The following KIF2A variants were observed in gnomAD, a reference collection of about 807,000 sequenced individuals.
The protein encoded by KIF2A is kinesin-like protein KIF2A.
KIF2A carries 22 observed loss-of-function variants against 100.2 expected under a neutral mutation model. That is an observed-to-expected ratio of 0.22 (90% CI 0.16 to 0.31). The LOEUF is 0.31. Ranked by LOEUF, KIF2A falls within the 10% of genes least tolerant of loss-of-function variation. The probability of loss-of-function intolerance (pLI) is 1.00; values close to 1 mark genes in which losing one functional copy is unlikely to be tolerated. For synonymous variants in KIF2A, 268 were observed against 285.9 expected, an observed-to-expected ratio of 0.94 and a Z score of 0.63; for missense variants, 495 against 898.7, an observed-to-expected ratio of 0.55 and a Z score of 5.74.
intron 19 of KIF2A, among the ~76,000 whole-genome samples, chr5:62,378,921 TAG>T (rs1285502045): frequency 6.6e-6 from 1 of 151,980 alleles, no homozygotes; most frequent in Non-Finnish European, 1.5e-5. Flanking sequence ...ACAAAAACTC[TAG>T]AGTTTTAGTC....
chr5:62,372,509 C>T lies in KIF2A; in HGVS notation c.1718C>T (p.Ser573Phe), dbSNP rs774991512. The T allele has an allele frequency of 6.2e-7, 1 of 1,612,526 alleles. No individual in the cohort carries two copies. Among genetic ancestry groups the T allele is most frequent in the Non-Finnish European group, 8.5e-7 (1 of 1,178,782 alleles). ...SQGSGSRPDL[S>F]PSYEYDDFSP... ...GGTAGTGGCAGTCGCCCTGATCTCT[C>T]TCCTTCTTATGAATATGACGACTTT... The change falls in exon 17 of 21, where the codon TCT becomes TTT. Residue 573 changes from serine to phenylalanine, a missense_variant. Ser to Phe is a radical substitution (Grantham distance 155). This residue lies in a region of KIF2A where 100 missense variants were observed against 138.2 expected (regional missense o/e 0.72). Coordinates refer to ENST00000407818, the MANE Select transcript of KIF2A (RefSeq NM_001098511.3).
At chr5:62,378,414 C>T (rs758613388) in intron 19 of KIF2A, among the ~76,000 whole-genome samples, 5 of 152,040 alleles carry the variant, frequency 3.3e-5, no homozygotes, top group Non-Finnish European at 1.5e-5. Flanking sequence ...GACTGGCAGC[C>T]GCCCCCACCC....
intron 5 of KIF2A, 113 bp downstream of exon 5, chr5:62,352,823 G>T: frequency 2.6e-6 from 2 of 761,596 alleles, no homozygotes; most frequent in South Asian, 7.5e-5. Flanking sequence ...CTTGATTGCA[G>T]ATTTCATTTT....
intron 3 of KIF2A, 63 bp downstream of exon 3, chr5:62,348,230 T>A: frequency 6.4e-7 from 1 of 1,565,500 alleles, no homozygotes. Context: ...GATGTGTGTG[T>A]GTTCTAGTTT....
Position 62,365,205 on chromosome 5 carries a change from A to G in KIF2A, c.1468-38A>G, listed in dbSNP as rs763429991. On this transcript the variant is annotated intron_variant, in intron 14 of 20. Coordinates refer to ENST00000407818, the MANE Select transcript of KIF2A (RefSeq NM_001098511.3). ...GTTAATTAAGATTATCCTTTATAAGAAAGACTAATCTGTGAGACTTGTTTT... is the reference window on the plus strand; with the variant it reads ...GTTAATTAAGATTATCCTTTATAAGGAAGACTAATCTGTGAGACTTGTTTT... 4 of 1,040,120 alleles carry G rather than the reference A, an allele frequency of 3.8e-6. No homozygotes were observed. The Admixed American group carries it at 8.9e-5, about 23-fold the overall frequency. The allele number at this position is 1,040,120 out of a possible 1,614,324, so 64.4% of individuals were successfully genotyped here. A position where few individuals can be genotyped will look rare whatever the true frequency, so the allele number is the denominator to read the frequency against.
intron 1 of KIF2A, chr5:62,308,423 A>C: frequency 8.5e-7 from 1 of 1,181,780 alleles, no homozygotes; most frequent in Non-Finnish European, 1.2e-6. Flanking sequence ...GGAAATCACC[A>C]CCTTGTGAAG....
In KIF2A at chr5:62,390,723, C is replaced by T. The variant is rs1314958416; in HGVS notation, c.*5154C>T. Among the ~76,000 whole-genome samples the T allele has an allele frequency of 6.6e-6, 1 of 152,182 alleles. No homozygotes were observed. Among genetic ancestry groups the T allele is most frequent in the Admixed American group, 6.5e-5 (1 of 15,278 alleles). On this transcript the variant is annotated 3_prime_UTR_variant, in exon 21 of 21. Coordinates refer to ENST00000407818, the MANE Select transcript of KIF2A (RefSeq NM_001098511.3). The stretch of plus-strand genomic sequence containing the variant: ...TCTGCTGCAGCTAACTAGCCTCCAT[C>T]TTCTACACCAAATACTATTCCATGC...
chr5:62,343,102 T>C (rs368183709), intron 1 of KIF2A, among the ~76,000 whole-genome samples: 1 of 152,312 alleles, frequency 6.6e-6, no homozygotes, highest in East Asian at 1.9e-4. Context: ...CTTTTATCTT[T>C]AGCAGTAAAC....
At chr5:62,385,366 GA>G (rs1345663853) in intron 20 of KIF2A, 117 bp from the exon 21 acceptor site, 1 of 662,294 alleles carries the variant, frequency 1.5e-6, no homozygotes. Context: ...AGAACAAAAG[GA>G]AAAATACTGA....
chr5:62,352,732 G>T, intron 5 of KIF2A, 22 bp downstream of exon 5: 1 of 1,603,470 alleles, frequency 6.2e-7, no homozygotes, highest in Non-Finnish European at 8.5e-7. Context: ...ATGTATCAAG[G>T]ATTTAGTCAT....
intron 1 of KIF2A, among the ~76,000 whole-genome samples, chr5:62,320,346 ATATATC>A (rs1483858998): frequency 6.6e-6 from 1 of 152,200 alleles, no homozygotes; most frequent in African/African-American, 2.4e-5. Context: ...ACATACATGA[ATATATC>A]TGTAGGGGAA....
In KIF2A at chr5:62,364,442, G is replaced by A. The variant is rs549270962; in HGVS notation, c.1467+543G>A. Among the ~76,000 whole-genome samples the A allele has an allele frequency of 3.9e-3, 588 of 152,228 alleles. 12 individuals carry two copies. The highest frequency in any genetic ancestry group is 2.3e-3 in the East Asian group (12 of 5,160). On this transcript the variant is annotated intron_variant, in intron 14 of 20. Coordinates refer to ENST00000407818, the MANE Select transcript of KIF2A (RefSeq NM_001098511.3). ...ATTACAGGCGTGAGCCACCGCGCCC[G>A]GCCCAGAGGGTCTTAATTAGTCATA...
In KIF2A at chr5:62,345,754, C is replaced by G. The variant is rs555582670; in HGVS notation, c.65-1376C>G. ...CATTATAATAACATTGTTTTCTGTACTATATATCTGTTTTTAGACATTTAA... is the reference window on the plus strand; with the variant it reads ...CATTATAATAACATTGTTTTCTGTAGTATATATCTGTTTTTAGACATTTAA... On this transcript the variant is annotated intron_variant, in intron 1 of 20. Coordinates refer to ENST00000407818, the MANE Select transcript of KIF2A (RefSeq NM_001098511.3). 6.6e-5 allele frequency among the ~76,000 whole-genome samples: 10 copies of G among 152,140 alleles called. No individual in the cohort carries two copies. The South Asian group carries it at 1.7e-3, about 25-fold the overall frequency.
chr5:62,368,145 C>T (rs898706909), intron 16 of KIF2A, among the ~76,000 whole-genome samples: 3 of 152,062 alleles, frequency 2.0e-5, no homozygotes, highest in Non-Finnish European at 4.4e-5. Context: ...GCATTATTGG[C>T]CCCCCAAAAG....
chr5:62,316,364 G>T (rs1266760815), intron 1 of KIF2A, among the ~76,000 whole-genome samples: 1 of 152,132 alleles, frequency 6.6e-6, no homozygotes, highest in Non-Finnish European at 1.5e-5. Context: ...AAATGCAGCT[G>T]CTCTTTTTTA....
intron 1 of KIF2A, among the ~76,000 whole-genome samples, chr5:62,346,586 T>G (rs917640789): frequency 4.6e-5 from 7 of 151,986 alleles, no homozygotes; most frequent in Non-Finnish European, 8.8e-5. Flanking sequence ...CTAAAAATAC[T>G]AAAATTAGCT....
chr5:62,347,695 G>T (rs1180957720), intron 2 of KIF2A, among the ~76,000 whole-genome samples: 1 of 151,836 alleles, frequency 6.6e-6, no homozygotes, highest in East Asian at 1.9e-4. Flanking sequence ...TCATGATCAT[G>T]GCTTACTGCA....
chr5:62,316,809 TG>T (rs746931177), intron 1 of KIF2A, among the ~76,000 whole-genome samples: 4 of 152,084 alleles, frequency 2.6e-5, no homozygotes, highest in Non-Finnish European at 5.9e-5. Flanking sequence ...TAAAAAAGGT[TG>T]GGGAGGAGAG....
chr5:62,325,979 G>A (rs1368280840), intron 1 of KIF2A, among the ~76,000 whole-genome samples: 1 of 152,170 alleles, frequency 6.6e-6, no homozygotes, highest in East Asian at 1.9e-4. Flanking sequence ...GGGATTACTA[G>A]AGGAAGGAGG....
Sources: gnomAD v4.1 joint callset for allele counts (sites outside exome capture counted in the v4.1 genomes callset) on GRCh38, gnomAD v4.1.1 for gene constraint, gnomAD v4.1.1 regional missense constraint, MANE v1.5 for transcripts, NCBI Gene and HGNC (gene_info 2026-07-23, HGNC 2026-07-21) for gene names.